Variants in ADGRL3 observed in about 807,000 individuals in gnomAD.
ADGRL3 encodes the protein calcium-independent alpha-latrotoxin receptor 3.
A neutral mutation model predicts 153.5 loss-of-function variants in ADGRL3; 62 were observed. The observed-to-expected ratio is 0.40, with a 90% CI of 0.33 to 0.50. ADGRL3 has a LOEUF of 0.50. ADGRL3 is among the 20% of genes least tolerant of loss of function. The probability of loss-of-function intolerance (pLI) is 0.47; values close to 1 mark genes in which losing one functional copy is unlikely to be tolerated. For synonymous variants in ADGRL3, 710 were observed against 672.5 expected (o/e 1.06, Z -0.86); for missense variants, 1,641 against 1,859.4 (o/e 0.88, Z 2.16).
chr4:61,752,513 G>A (rs1193493963), intron 8 of ADGRL3, among the ~76,000 whole-genome samples: 1 of 152,212 alleles, frequency 6.6e-6, no homozygotes, highest in Non-Finnish European at 1.5e-5. Flanking sequence ...TTCATCCTCA[G>A]AGATAAGAAT....
At chr4:61,457,516 G>C (rs1011442601) in intron 2 of ADGRL3, among the ~76,000 whole-genome samples, 1 of 151,878 alleles carries the variant, frequency 6.6e-6, no homozygotes, top group African/African-American at 2.4e-5. Context: ...AGCTTGGTTT[G>C]AAATCCTCTG....
At chr4:61,677,967 T>A (rs1004301164) in intron 6 of ADGRL3, among the ~76,000 whole-genome samples, 1 of 152,052 alleles carries the variant, frequency 6.6e-6, no homozygotes, top group Admixed American at 6.6e-5. Context: ...TTCGTTCAGC[T>A]TCATTTATAG....
At chr4:61,641,302 A>T (rs2093656753) in intron 5 of ADGRL3, among the ~76,000 whole-genome samples, 1 of 151,360 alleles carries the variant, frequency 6.6e-6, no homozygotes, top group East Asian at 1.9e-4. Context: ...TTTTTTATTT[A>T]TTATTATTGT....
chr4:61,906,872 C>T (rs953097856), intron 11 of ADGRL3, among the ~76,000 whole-genome samples: 8 of 152,100 alleles, frequency 5.3e-5, no homozygotes, highest in African/African-American at 1.4e-4. Context: ...TCATGATAAT[C>T]GATAACCTAC....
At chr4:61,320,046 G>A (rs1251103750) in intron 1 of ADGRL3, among the ~76,000 whole-genome samples, 1 of 152,092 alleles carries the variant, frequency 6.6e-6, no homozygotes, top group African/African-American at 2.4e-5. Context: ...ATAAGAAGAG[G>A]AGGAGACACC....
At chr4:61,829,880 T>G (rs978700215) in intron 9 of ADGRL3, among the ~76,000 whole-genome samples, 1 of 152,056 alleles carries the variant, frequency 6.6e-6, no homozygotes, top group Non-Finnish European at 1.5e-5. Flanking sequence ...ATAATTAATG[T>G]TCCTGGCTGG....
chr4:61,983,262 G>C, intron 18 of ADGRL3, 121 bp from the exon 19 acceptor site: 1 of 670,110 alleles, frequency 1.5e-6, no homozygotes, highest in Non-Finnish European at 2.6e-6. Context: ...ATCTTCCCTA[G>C]GTTATTATTT....
chr4:61,671,906 ACATCTCTATTC>A (rs929621414), intron 5 of ADGRL3, among the ~76,000 whole-genome samples: 5 of 152,088 alleles, frequency 3.3e-5, no homozygotes, highest in African/African-American at 1.2e-4. Flanking sequence ...AAGCCATTTA[ACATCTCTATTC>A]CATCTTCTGT....
intron 17 of ADGRL3, among the ~76,000 whole-genome samples, chr4:61,960,043 TGAAAA>T (rs1160565094): frequency 6.6e-6 from 1 of 152,222 alleles, no homozygotes; most frequent in Non-Finnish European, 1.5e-5. Flanking sequence ...GAAAATTTCT[TGAAAA>T]GAAACTGGTT....
chr4:61,927,605 T>A (rs1406168795), intron 13 of ADGRL3, among the ~76,000 whole-genome samples: 3 of 152,104 alleles, frequency 2.0e-5, no homozygotes, highest in Non-Finnish European at 4.4e-5. Context: ...GTACCTTAGG[T>A]TTATTGATCA....
chr4:61,751,911 T>C (rs1561182708), intron 8 of ADGRL3, among the ~76,000 whole-genome samples: 1 of 152,012 alleles, frequency 6.6e-6, no homozygotes, highest in Admixed American at 6.6e-5. Context: ...TATTTGAAAA[T>C]AAATGAACAA....
At chr4:61,278,195 A>G (rs1560417446) in intron 1 of ADGRL3, among the ~76,000 whole-genome samples, 1 of 152,140 alleles carries the variant, frequency 6.6e-6, no homozygotes, top group African/African-American at 2.4e-5. Flanking sequence ...TAGTTATGTC[A>G]TGAATCATGT....
chr4:61,838,410 C>T (rs1265312542), intron 9 of ADGRL3, among the ~76,000 whole-genome samples: 3 of 152,142 alleles, frequency 2.0e-5, no homozygotes, highest in Non-Finnish European at 4.4e-5. Context: ...TAGGATTTCT[C>T]ATGGTAGTTA....
intron 2 of ADGRL3, among the ~76,000 whole-genome samples, chr4:61,447,075 G>A (rs377749168): frequency 6.6e-6 from 1 of 152,144 alleles, no homozygotes; most frequent in African/African-American, 2.4e-5. Flanking sequence ...CCAGTTTATG[G>A]ATGACTGGAT....
rs189597478 is a variant in ADGRL3, at chr4:61,743,164, C to T, written c.1399+9610C>T. On this transcript the variant is annotated intron_variant, in intron 8 of 26. Coordinates refer to ENST00000683033, the MANE Select transcript of ADGRL3 (RefSeq NM_001387552.1). Reference sequence around the variant, plus strand: ...CGAAACCCCGTCTCTATTAAAAATACGAAAAATTAGCTGGGAGTGGTGGTG... The same window carrying T: ...CGAAACCCCGTCTCTATTAAAAATATGAAAAATTAGCTGGGAGTGGTGGTG... Among the ~76,000 whole-genome samples the T allele has an allele frequency of 3.2e-4, 48 of 151,112 alleles. No individual in the cohort carries two copies. The East Asian group carries it at 6.1e-3, about 19-fold the overall frequency.
intron 5 of ADGRL3, among the ~76,000 whole-genome samples, chr4:61,609,520 A>G (rs2099045103): frequency 6.6e-6 from 1 of 152,104 alleles, no homozygotes; most frequent in South Asian, 2.1e-4. Flanking sequence ...TCATGCAGAA[A>G]ACACCCAAAA....
chr4:61,702,079 A>C (rs1437625539), intron 6 of ADGRL3, among the ~76,000 whole-genome samples: 1 of 152,152 alleles, frequency 6.6e-6, no homozygotes. Context: ...GGTCACTTGC[A>C]GGGCTGACCA....
intron 2 of ADGRL3, among the ~76,000 whole-genome samples, chr4:61,401,443 T>C (rs897035153): frequency 5.3e-5 from 8 of 152,002 alleles, no homozygotes; most frequent in African/African-American, 1.7e-4. Context: ...ATTTAGTATG[T>C]AATGGAAAAC....
At chr4:61,831,953 A>G (rs2097875698) in intron 9 of ADGRL3, among the ~76,000 whole-genome samples, 2 of 152,096 alleles carry the variant, frequency 1.3e-5, no homozygotes, top group African/African-American at 4.8e-5. Context: ...TAAGCTTCAT[A>G]TAGAAGAGCC....
Sources: gnomAD v4.1 joint callset for allele counts (sites outside exome capture counted in the v4.1 genomes callset) on GRCh38, gnomAD v4.1.1 for gene constraint, MANE v1.5 for transcripts, NCBI Gene and HGNC (gene_info 2026-07-23, HGNC 2026-07-21) for gene names.